The following MACROD2 variants were observed in gnomAD, a reference collection of about 807,000 sequenced individuals.
The protein encoded by MACROD2 is ADP-ribose glycohydrolase MACROD2.
MACROD2 carries 36 observed loss-of-function variants against 70.4 expected under a neutral mutation model. The observed-to-expected ratio is 0.51, with a 90% CI of 0.39 to 0.68. The LOEUF (loss-of-function observed/expected upper bound fraction) is 0.68, where lower values mean the gene tolerates loss of function less well. Among genes scored for constraint, MACROD2 ranks in the 30% least tolerant of loss-of-function variants. The probability of loss-of-function intolerance (pLI) is 0.00; values close to 1 mark genes in which losing one functional copy is unlikely to be tolerated. For missense variants in MACROD2, 496 were observed against 538.4 expected, an observed-to-expected ratio of 0.92 and a Z score of 0.78; for synonymous variants, 172 against 178.8, an observed-to-expected ratio of 0.96 and a Z score of 0.30.
At chr20:14,594,021 T>A (rs556512444) in intron 4 of MACROD2, among the ~76,000 whole-genome samples, 2 of 152,186 alleles carry the variant, frequency 1.3e-5, no homozygotes, top group Admixed American at 6.5e-5. Flanking sequence ...TTTCAGAGAC[T>A]AAGACTCTCA....
chr20:15,445,894 G>C (rs1433193758), intron 7 of MACROD2, among the ~76,000 whole-genome samples: 1 of 152,060 alleles, frequency 6.6e-6, no homozygotes, highest in Non-Finnish European at 1.5e-5. Context: ...CAAGGGGAGA[G>C]GTCTGGGAAT....
intron 13 of MACROD2, among the ~76,000 whole-genome samples, chr20:15,983,927 T>C (rs2066438396): frequency 6.6e-6 from 1 of 152,212 alleles, no homozygotes; most frequent in Non-Finnish European, 1.5e-5. Context: ...TTTTTATTAG[T>C]TTTTAGACTA....
chr20:14,222,038 A>T (rs997136330), intron 3 of MACROD2, among the ~76,000 whole-genome samples: 3 of 152,224 alleles, frequency 2.0e-5, no homozygotes, highest in Non-Finnish European at 4.4e-5. Flanking sequence ...ATTGGTAGGA[A>T]TGTAAATGAG....
At chr20:14,638,213 A>C (rs543054102) in intron 4 of MACROD2, among the ~76,000 whole-genome samples, 2 of 152,196 alleles carry the variant, frequency 1.3e-5, no homozygotes, top group Non-Finnish European at 2.9e-5. Context: ...ATAACCTTAC[A>C]GTAATCATTT....
chr20:14,576,827 T>A (rs543190295), intron 4 of MACROD2, among the ~76,000 whole-genome samples: 2 of 152,358 alleles, frequency 1.3e-5, no homozygotes, highest in East Asian at 3.9e-4. Flanking sequence ...GAAATAATGC[T>A]TTAAACACAA....
At chr20:14,465,786 C>T (rs572803339) in intron 3 of MACROD2, among the ~76,000 whole-genome samples, 1 of 152,212 alleles carries the variant, frequency 6.6e-6, no homozygotes, top group South Asian at 2.1e-4. Context: ...TTCTCCTTCA[C>T]TTATGAAGCT....
At chr20:14,035,986 C>CA (rs1409336419) in intron 2 of MACROD2, among the ~76,000 whole-genome samples, 6 of 152,002 alleles carry the variant, frequency 3.9e-5, no homozygotes, top group Non-Finnish European at 7.4e-5. Flanking sequence ...ACTAAAAATA[C>CA]AAAAAATTAG....
At chr20:15,499,570 C>T (rs921832458) in intron 7 of MACROD2, among the ~76,000 whole-genome samples, 7 of 152,178 alleles carry the variant, frequency 4.6e-5, no homozygotes, top group African/African-American at 1.4e-4. Flanking sequence ...GTTTTTTAAA[C>T]TCTGTACTGG....
Position 15,995,355 on chromosome 20 carries a change from A to AT in MACROD2, c.1153+8199dup, listed in dbSNP as rs1355982074. ...TTTTTTAACTTTTTATTTTATTATT[A>AT]TTATTTTTTTTGGAGATGGAGTCTC... On this transcript the variant is annotated intron_variant, in intron 15 of 17. Coordinates refer to ENST00000684519, the MANE Select transcript of MACROD2 (RefSeq NM_001351661.2). 4.1e-5 allele frequency among the ~76,000 whole-genome samples: 6 copies of AT among 147,718 alleles called. No homozygotes were observed. The East Asian group carries it at 1.2e-3, about 29-fold the overall frequency.
At chr20:14,606,412 G>A (rs1982802892) in intron 4 of MACROD2, among the ~76,000 whole-genome samples, 4 of 152,006 alleles carry the variant, frequency 2.6e-5, no homozygotes, top group Admixed American at 6.6e-5. Flanking sequence ...ACAATTCCAG[G>A]TACTTTGTGA....
At position 15,017,578 on chromosome 20, in the gene MACROD2, C is replaced by A. The variant is rs540541069; in HGVS notation, c.419-212362C>A. 5.4e-4 allele frequency among the ~76,000 whole-genome samples: 83 copies of A among 152,324 alleles called. 1 individual carries two copies. The highest frequency in any genetic ancestry group is 6.8e-3 in the Middle Eastern group (2 of 294). ...CCAGTAGGGACTGTGTGTTGGGGCT[C>A]CAACCCCACATTTGCCTTCTGCACT... On this transcript the variant is annotated intron_variant, in intron 5 of 17. Transcript: ENST00000684519.
chr20:14,919,419 A>G (rs1007943094), intron 5 of MACROD2, among the ~76,000 whole-genome samples: 4 of 152,240 alleles, frequency 2.6e-5, no homozygotes, highest in African/African-American at 9.6e-5. Context: ...ATTGCTGATT[A>G]TGAAAATGAC....
intron 8 of MACROD2, among the ~76,000 whole-genome samples, chr20:15,669,344 A>AT (rs2049946581): frequency 6.6e-6 from 1 of 152,044 alleles, no homozygotes; most frequent in Non-Finnish European, 1.5e-5. Flanking sequence ...AAGTTTTTAT[A>AT]TTTTTCCTTC....
chr20:15,678,545 G>A (rs1296719280), intron 8 of MACROD2, among the ~76,000 whole-genome samples: 3 of 152,068 alleles, frequency 2.0e-5, no homozygotes, highest in Non-Finnish European at 2.9e-5. Flanking sequence ...ATTTTTAGTA[G>A]AGACGAGGTT....
chr20:15,310,393 T>C (rs1336055721), intron 6 of MACROD2, among the ~76,000 whole-genome samples: 2 of 152,034 alleles, frequency 1.3e-5, no homozygotes, highest in African/African-American at 2.4e-5. Flanking sequence ...TTAGATTTGC[T>C]TGAAGCTCCA....
chr20:15,305,655 TTG>T (rs143803631), intron 6 of MACROD2, among the ~76,000 whole-genome samples: 20 of 150,638 alleles, frequency 1.3e-4, no homozygotes, highest in South Asian at 6.3e-4. Flanking sequence ...GTTGATAAAA[TTG>T]TGTGTGTGTG....
intron 8 of MACROD2, among the ~76,000 whole-genome samples, chr20:15,587,357 G>A: frequency 6.6e-6 from 1 of 152,164 alleles, no homozygotes; most frequent in East Asian, 1.9e-4. Flanking sequence ...TACAATTCAA[G>A]TTGAGATTTG....
intron 3 of MACROD2, among the ~76,000 whole-genome samples, chr20:14,435,285 A>C (rs1180994484): frequency 6.6e-6 from 1 of 152,128 alleles, no homozygotes; most frequent in Non-Finnish European, 1.5e-5. Context: ...TCCTAATAGG[A>C]CAATTGTCAT....
chr20:14,126,031 GA>G (rs1345125091), intron 3 of MACROD2, among the ~76,000 whole-genome samples: 2 of 152,118 alleles, frequency 1.3e-5, no homozygotes, highest in African/African-American at 4.8e-5. Context: ...CAGGATTGTA[GA>G]AGCCTGAGTG....
Sources: gnomAD v4.1 joint callset for allele counts (sites outside exome capture counted in the v4.1 genomes callset) on GRCh38, gnomAD v4.1.1 for gene constraint, MANE v1.5 for transcripts, NCBI Gene and HGNC (gene_info 2026-07-23, HGNC 2026-07-21) for gene names.